CNTLN: variants seen among roughly 807,000 people sequenced by gnomAD.
CNTLN encodes the protein centlein, centrosomal protein.
In CNTLN, 212 loss-of-function variants were observed where a neutral mutation model predicts 180.0. That is an observed-to-expected ratio of 1.18 (90% CI 1.05 to 1.32). The LOEUF (loss-of-function observed/expected upper bound fraction) is 1.32. Among genes scored for constraint, CNTLN ranks in the 40% most tolerant of loss-of-function variants. The probability of loss-of-function intolerance (pLI) is 0.00; values close to 1 mark genes in which losing one functional copy is unlikely to be tolerated. For missense variants in CNTLN, 2,095 were observed against 1,610.9 expected (o/e 1.30, Z -5.14); for synonymous variants, 722 against 563.1 (o/e 1.28, Z -3.99).
At chr9:17,387,806 A>G (rs562554953) in intron 13 of CNTLN, among the ~76,000 whole-genome samples, 8 of 152,108 alleles carry the variant, frequency 5.3e-5, no homozygotes, top group Non-Finnish European at 8.8e-5. Flanking sequence ...GAACAAAACT[A>G]GTAGTGACTG....
In CNTLN at chr9:17,342,818, G is replaced by A. The variant is rs1484162773; in HGVS notation, c.1886+374G>A. 2.0e-5 allele frequency among the ~76,000 whole-genome samples: 3 copies of A among 152,186 alleles called. No individual in the cohort carries two copies. In the East Asian group the frequency reaches 5.8e-4, roughly 29 times the overall value. ...CTTGTTTGATCTCCTAGATACATAC[G>A]CAATGCAGAATGCCTGAGCTCTCTT... is the stretch of plus-strand genomic sequence containing the variant. On this transcript the variant is annotated intron_variant, in intron 12 of 25. Transcript: ENST00000380647.
rs79381336 is a variant in CNTLN, at chr9:17,254,379, T to C, written c.849+17791T>C. Among the ~76,000 whole-genome samples, 1,555 of 151,738 alleles carry C rather than the reference T, an allele frequency of 0.01. 69 individuals carry two copies. In the East Asian group the frequency reaches 0.11, roughly 11 times the overall value. On this transcript the variant is annotated intron_variant, in intron 5 of 25. Transcript: ENST00000380647. ...TCATTTGCAAGAAATCATTGCCAAA[T>C]CCAAAATCATGATGTGTTTCTGCTA...
chr9:17,525,945 A>AT, the CNTLN span, among the ~76,000 whole-genome samples: 18 of 151,720 alleles, frequency 1.2e-4, no homozygotes, highest in African/African-American at 1.7e-4. Context: ...TTCTATTTTT[A>AT]TTTTTTTTGA....
intron 2 of CNTLN, chr9:17,167,820 A>G (rs1026001876): frequency 1.3e-5 from 2 of 152,184 alleles, no homozygotes; most frequent in Non-Finnish European, 2.9e-5. Context: ...TATTATGTTA[A>G]AAAACTAGAC....
intron 15 of CNTLN, among the ~76,000 whole-genome samples, chr9:17,408,328 C>T (rs910022260): frequency 1.3e-5 from 2 of 152,068 alleles, no homozygotes; most frequent in Non-Finnish European, 2.9e-5. Flanking sequence ...CACTTCCTGT[C>T]TCCTACCCTT....
At chr9:17,162,404 G>A (rs563869386) in intron 2 of CNTLN, among the ~76,000 whole-genome samples, 3 of 152,268 alleles carry the variant, frequency 2.0e-5, no homozygotes, top group South Asian at 2.1e-4. Context: ...GTGAGCCACC[G>A]CACCCAGCCT....
At chr9:17,349,499 A>G (rs10963057) in intron 12 of CNTLN, among the ~76,000 whole-genome samples, 90,817 of 151,928 alleles carry the variant, frequency 0.6, 27,417 homozygotes, top group East Asian at 0.73. Flanking sequence ...ACTTTTAAAG[A>G]CTTTTATAAA....
At chr9:17,489,572 T>A (rs1588103066) in intron 25 of CNTLN, among the ~76,000 whole-genome samples, 2 of 151,706 alleles carry the variant, frequency 1.3e-5, no homozygotes, top group African/African-American at 4.9e-5. Context: ...TTAAAAAAAA[T>A]ATTTTTTTTT....
chr9:17,485,847 T>G (rs1832862026), intron 24 of CNTLN, among the ~76,000 whole-genome samples: 1 of 152,114 alleles, frequency 6.6e-6, no homozygotes, highest in Non-Finnish European at 1.5e-5. Context: ...AAAAGCCCTC[T>G]TTGAATGAGC....
chr9:17,481,390 C>T (rs1157882900), intron 23 of CNTLN, among the ~76,000 whole-genome samples: 1 of 152,202 alleles, frequency 6.6e-6, no homozygotes, highest in African/African-American at 2.4e-5. Context: ...AACAGCCTCA[C>T]CTGGTCAAGG....
rs191939915 is a variant in CNTLN at position 17,261,186 on chromosome 9, A to C, written c.850-12547A>C. Among the ~76,000 whole-genome samples, 231 of 151,364 alleles carry C rather than the reference A, an allele frequency of 1.5e-3. 14 individuals are homozygous for C. Among genetic ancestry groups the C allele is most frequent in the African/African-American group, 5.3e-3 (217 of 40,908 alleles). ...CTTTTTGGTTTCATATAAATTTTGG[A>C]ATAGTTTTTGTAATTCTGTCAAAAG... On this transcript the variant is annotated intron_variant, in intron 5 of 25. Coordinates refer to ENST00000380647, the MANE Select transcript of CNTLN (RefSeq NM_017738.4).
At chr9:17,135,873 C>T (rs1216480598) in intron 1 of CNTLN, among the ~76,000 whole-genome samples, 2 of 152,232 alleles carry the variant, frequency 1.3e-5, no homozygotes, top group Non-Finnish European at 2.9e-5. Context: ...TTCAAACCCA[C>T]ACTTGGCTTT....
At chr9:17,254,302 T>C (rs1477654213) in intron 5 of CNTLN, among the ~76,000 whole-genome samples, 1 of 151,690 alleles carries the variant, frequency 6.6e-6, no homozygotes, top group African/African-American at 2.4e-5. Flanking sequence ...CTGTATGCTT[T>C]TGGCATAGTC....
intron 18 of CNTLN, among the ~76,000 whole-genome samples, chr9:17,453,529 A>G (rs1159745725): frequency 6.6e-6 from 1 of 152,078 alleles, no homozygotes; most frequent in Non-Finnish European, 1.5e-5. Context: ...ACCCATATTA[A>G]TTTTCTGTGC....
At chr9:17,153,487 ACT>A (rs1165349600) in intron 2 of CNTLN, among the ~76,000 whole-genome samples, 1 of 151,870 alleles carries the variant, frequency 6.6e-6, no homozygotes, top group Non-Finnish European at 1.5e-5. Context: ...ATTGGCCTTA[ACT>A]CTCTTCTGGC....
rs191265319 is a variant in CNTLN at position 17,367,801 on chromosome 9, C to G, written c.1987+1084C>G. ...GATGCAGTCCCGGCAGGATCTATCA[C>G]CTACTGACTGAAGAGCCCTTGGGCC... On this transcript the variant is annotated intron_variant, in intron 13 of 25. Coordinates refer to ENST00000380647, the MANE Select transcript of CNTLN (RefSeq NM_017738.4). 1.1e-3 allele frequency among the ~76,000 whole-genome samples: 169 copies of G among 152,178 alleles called. 1 individual carries two copies. The highest frequency in any genetic ancestry group is 3.9e-3 in the African/African-American group (161 of 41,546).
Position 17,135,253 on chromosome 9 carries a change from CAG to C in CNTLN, c.189_190del (p.Gly65ProfsTer57), listed in dbSNP as rs772777501. ...AAAATCTGGGTGGGTGAAGAAGGGT[CAG>C]GGGGCCGGCGAGGGCCTGGGGGGGC... On this transcript the variant is annotated frameshift_variant, in exon 1 of 26. Coordinates refer to ENST00000380647, the MANE Select transcript of CNTLN (RefSeq NM_017738.4). LOFTEE classifies it high-confidence loss of function. 1 of 1,605,634 alleles carries C rather than the reference CAG, an allele frequency of 6.2e-7. No homozygotes were observed. The highest frequency in any genetic ancestry group is 1.1e-5 in the South Asian group (1 of 89,238).
intron 8 of CNTLN, among the ~76,000 whole-genome samples, chr9:17,311,451 G>GTTTTTTTT (rs112794584): frequency 1.5e-5 from 2 of 133,814 alleles, no homozygotes; most frequent in African/African-American, 5.5e-5. Flanking sequence ...GGGTTTTTCT[G>GTTTTTTTT]TTTTTTTTTT....
intron 5 of CNTLN, among the ~76,000 whole-genome samples, chr9:17,260,281 C>T (rs920095155): frequency 9.3e-5 from 14 of 150,004 alleles, no homozygotes; most frequent in African/African-American, 2.8e-4. Flanking sequence ...TGTAGTTGAG[C>T]GGTTTTGAGT....
Sources: gnomAD v4.1 joint callset for allele counts (sites outside exome capture counted in the v4.1 genomes callset) on GRCh38, gnomAD v4.1.1 for gene constraint, MANE v1.5 for transcripts, NCBI Gene and HGNC (gene_info 2026-07-23, HGNC 2026-07-21) for gene names.